Variants in SCN10A observed in about 807,000 individuals in gnomAD.
SCN10A encodes the protein sodium channel protein type 10 subunit alpha.
In SCN10A, 162 loss-of-function variants were observed where a neutral mutation model predicts 170.7. That is an observed-to-expected ratio of 0.95 (90% CI 0.84 to 1.08). The LOEUF (loss-of-function observed/expected upper bound fraction) is 1.08, where lower values mean the gene tolerates loss of function less well. Ranked by LOEUF, SCN10A falls within the 50% of genes least tolerant of loss-of-function variation. SCN10A has a pLI of 0.00. For missense variants in SCN10A, 2,527 were observed against 2,436.9 expected (o/e 1.04, Z -0.78); for synonymous variants, 985 against 904.6 (o/e 1.09, Z -1.59).
intron 26 of SCN10A, among the ~76,000 whole-genome samples, chr3:38,703,785 C>G (rs1217826273): frequency 1.3e-5 from 2 of 152,150 alleles, no homozygotes; most frequent in Non-Finnish European, 2.9e-5. Flanking sequence ...ATTTATCCAG[C>G]CAGGAATTAA....
intron 1 of SCN10A, among the ~76,000 whole-genome samples, chr3:38,814,051 C>T (rs558696925): frequency 3.3e-5 from 5 of 152,154 alleles, no homozygotes; most frequent in East Asian, 3.9e-4. Context: ...TACATACAGG[C>T]GGCACTCTAA....
At chr3:38,765,564 G>A (rs889740638) in intron 5 of SCN10A, among the ~76,000 whole-genome samples, 1 of 151,996 alleles carries the variant, frequency 6.6e-6, no homozygotes, top group African/African-American at 2.4e-5. Context: ...TTTTCCATTG[G>A]TCTATGTGCT....
intron 4 of SCN10A, among the ~76,000 whole-genome samples, chr3:38,782,470 T>C (rs922942838): frequency 6.6e-6 from 1 of 152,110 alleles, no homozygotes; most frequent in African/African-American, 2.4e-5. Flanking sequence ...ATTCTCTTTC[T>C]CTTTGTTCTT....
intron 13 of SCN10A, among the ~76,000 whole-genome samples, chr3:38,747,286 G>T (rs1290349668): frequency 6.6e-6 from 1 of 152,024 alleles, no homozygotes; most frequent in African/African-American, 2.4e-5. Flanking sequence ...TTATAAATTA[G>T]CATCACTCCC....
chr3:38,790,322 C>T (rs2064264840), intron 3 of SCN10A, among the ~76,000 whole-genome samples: 1 of 151,734 alleles, frequency 6.6e-6, no homozygotes, highest in South Asian at 2.1e-4. Flanking sequence ...CTGGAGTTAC[C>T]AAATTTATGA....
chr3:38,798,559 G>T (rs2064353810), intron 1 of SCN10A, among the ~76,000 whole-genome samples: 1 of 152,166 alleles, frequency 6.6e-6, no homozygotes, highest in South Asian at 2.1e-4. Context: ...ATTAGTCTGG[G>T]CCTGATACTC....
chr3:38,803,968 C>T lies in SCN10A; in HGVS notation c.-32-9926G>A, dbSNP rs141491514. 2.9e-3 allele frequency among the ~76,000 whole-genome samples: 442 copies of T among 152,234 alleles called. 2 individuals are homozygous for T. The highest frequency in any genetic ancestry group is 0.013 in the South Asian group (61 of 4,820). Reference sequence around the variant, plus strand: ...CACTTCCATTGCTGCTGCCACAGTCCAATCCACCATCAGCTCTTGATTGGA... The same window carrying T: ...CACTTCCATTGCTGCTGCCACAGTCTAATCCACCATCAGCTCTTGATTGGA... On this transcript the variant is annotated intron_variant, in intron 1 of 27. Coordinates refer to ENST00000449082, the MANE Select transcript of SCN10A (RefSeq NM_006514.4).
intron 1 of SCN10A, among the ~76,000 whole-genome samples, chr3:38,797,916 T>C (rs2064349581): frequency 6.6e-6 from 1 of 152,166 alleles, no homozygotes; most frequent in African/African-American, 2.4e-5. Context: ...AAGGACAAAA[T>C]TGTTTTCAAC....
Position 38,726,464 on chromosome 3 carries a change from A to G in SCN10A, c.3087+142T>C, listed in dbSNP as rs117172096. Reference sequence around the variant, plus strand: ...ACTTTTTCTTCCAGGCCCTGCTCAAACGCCAACTCCTCTGGAAAGCTTGGC... The same window carrying G: ...ACTTTTTCTTCCAGGCCCTGCTCAAGCGCCAACTCCTCTGGAAAGCTTGGC... On this transcript the variant is annotated intron_variant, in intron 17 of 27. Coordinates refer to ENST00000449082, the MANE Select transcript of SCN10A (RefSeq NM_006514.4). 5.7e-4 allele frequency: 364 copies of G among 633,468 alleles called. 3 individuals are homozygous for G. In the East Asian group the frequency reaches 9.2e-3, roughly 16 times the overall value. 39.2% of individuals were successfully genotyped at this position (633,468 alleles called of 1,614,324 possible). A position where few individuals can be genotyped will look rare whatever the true frequency, so the allele number is the denominator to read the frequency against.
chr3:38,709,478 C>A lies in SCN10A; in HGVS notation c.4281G>T (p.Lys1427Asn), dbSNP rs1245589706. Residue 1427 changes from lysine (K) to asparagine (N), a missense_variant and splice_region_variant, in exon 25 of 28, where the codon AAG (lysine) becomes AAT (asparagine). Coordinates refer to ENST00000449082, the MANE Select transcript of SCN10A (RefSeq NM_006514.4). ...CCAGAAACTCCTGAGCACCACTTAT[C>A]TTTTTTTTCTGTTGATTGAAGTTGT... ...IIDNFNQQKK[K>N]LGGQDIFMTE... 6.2e-7 allele frequency: 1 copy of A among 1,607,114 alleles called. No individual in the cohort carries two copies. Among genetic ancestry groups the A allele is most frequent in the South Asian group, 1.1e-5 (1 of 89,580 alleles).
intron 24 of SCN10A, 108 bp from the exon 25 acceptor site, chr3:38,709,723 A>G: frequency 2.0e-6 from 2 of 979,408 alleles, no homozygotes; most frequent in Non-Finnish European, 2.9e-6. Flanking sequence ...TTTATCTGGG[A>G]GGTGATCCAA....
chr3:38,806,339 A>G (rs571616900), intron 1 of SCN10A, among the ~76,000 whole-genome samples: 1 of 152,308 alleles, frequency 6.6e-6, no homozygotes, highest in East Asian at 1.9e-4. Flanking sequence ...ATGGGATCAG[A>G]AAGAAGGAAT....
intron 1 of SCN10A, among the ~76,000 whole-genome samples, chr3:38,812,214 G>C (rs907986955): frequency 6.6e-6 from 1 of 152,150 alleles, no homozygotes; most frequent in African/African-American, 2.4e-5. Context: ...TCTATATTTT[G>C]GGCATAGTGC....
chr3:38,725,105 A>C (rs2063438550), intron 18 of SCN10A, 69 bp downstream of exon 18: 1 of 1,434,822 alleles, frequency 7.0e-7, no homozygotes, highest in Non-Finnish European at 9.4e-7. Flanking sequence ...GCCACCCTCC[A>C]GCCTCTACCA....
intron 4 of SCN10A, among the ~76,000 whole-genome samples, chr3:38,772,322 G>GAAAAAAAAAAAAAAAAAAAAA (rs147803028): frequency 7.5e-6 from 1 of 133,872 alleles, no homozygotes; most frequent in Non-Finnish European, 1.6e-5. Flanking sequence ...CCAAACAACT[G>GAAAAAAAAAAAAAAAAAAAAA]AAAAAAAAAA....
chr3:38,713,066 C>A (rs922464988), intron 22 of SCN10A, among the ~76,000 whole-genome samples: 8 of 152,172 alleles, frequency 5.3e-5, no homozygotes, highest in Admixed American at 4.6e-4. Context: ...TTACTTTCTG[C>A]TGGGGAGCCA....
chr3:38,707,435 C>G, intron 25 of SCN10A, 52 bp from the exon 26 acceptor site: 1 of 1,579,898 alleles, frequency 6.3e-7, no homozygotes, highest in South Asian at 1.1e-5. Context: ...CCTACGGATA[C>G]CAAAATCAGA....
Position 38,725,157 on chromosome 3 carries a change from G to A in SCN10A, c.3228+17C>T, listed in dbSNP as rs758473504. The A allele has an allele frequency of 1.9e-6, 3 of 1,570,106 alleles. No homozygotes were observed. Among genetic ancestry groups the A allele is most frequent in the Non-Finnish European group, 2.6e-6 (3 of 1,148,406 alleles). ...CTGGCTGGCTGTCCAACCTCTCCAG[G>A]AAGCTGACATACCTACCTCAGCAGG... On this transcript the variant is annotated intron_variant, in intron 18 of 27. Coordinates refer to ENST00000449082, the MANE Select transcript of SCN10A (RefSeq NM_006514.4).
chr3:38,712,695 T>G (rs997943602), intron 22 of SCN10A, among the ~76,000 whole-genome samples: 2 of 152,224 alleles, frequency 1.3e-5, no homozygotes, highest in Non-Finnish European at 2.9e-5. Context: ...TGGATGAGTT[T>G]ACAAGCATAC....
Sources: gnomAD v4.1 joint callset for allele counts (sites outside exome capture counted in the v4.1 genomes callset) on GRCh38, gnomAD v4.1.1 for gene constraint, MANE v1.5 for transcripts, NCBI Gene and HGNC (gene_info 2026-07-23, HGNC 2026-07-21) for gene names.